Variants in CCSER1 observed in about 807,000 individuals in gnomAD.
The protein encoded by CCSER1 is coiled-coil serine rich protein 1, also known as serine-rich coiled-coil domain-containing protein 1.
In CCSER1, 41 loss-of-function variants were observed where a neutral mutation model predicts 82.0. The observed-to-expected ratio is 0.50, with a 90% CI of 0.39 to 0.65. CCSER1 has a LOEUF of 0.65. CCSER1 is among the 30% of genes least tolerant of loss of function. CCSER1 has a pLI of 0.00. For synonymous variants in CCSER1, 414 were observed against 383.9 expected (o/e 1.08, Z -0.92); for missense variants, 1,119 against 1,064.2 (o/e 1.05, Z -0.72).
intron 9 of CCSER1, among the ~76,000 whole-genome samples, chr4:90,998,855 C>G (rs1292300941): frequency 6.6e-6 from 1 of 151,984 alleles, no homozygotes; most frequent in African/African-American, 2.4e-5. Flanking sequence ...AGTACCCAAC[C>G]GTTAACTTTT....
At chr4:90,990,219 C>T (rs987240732) in intron 9 of CCSER1, among the ~76,000 whole-genome samples, 1 of 151,830 alleles carries the variant, frequency 6.6e-6, no homozygotes, top group Non-Finnish European at 1.5e-5. Flanking sequence ...TTCTGGGAGA[C>T]TGTTTCAGCT....
chr4:90,947,955 G>T (rs1365099300), intron 9 of CCSER1, among the ~76,000 whole-genome samples: 1 of 151,966 alleles, frequency 6.6e-6, no homozygotes, highest in Non-Finnish European at 1.5e-5. Flanking sequence ...ATCATGTGTT[G>T]TATTTTCAAC....
intron 10 of CCSER1, among the ~76,000 whole-genome samples, chr4:91,172,440 A>G (rs1276883088): frequency 6.6e-6 from 1 of 152,206 alleles, no homozygotes; most frequent in Non-Finnish European, 1.5e-5. Context: ...GCTCTGGGAA[A>G]TGTTGCTTAG....
intron 10 of CCSER1, among the ~76,000 whole-genome samples, chr4:91,219,536 C>T (rs1737568445): frequency 6.6e-6 from 1 of 152,050 alleles, no homozygotes; most frequent in Admixed American, 6.5e-5. Flanking sequence ...CTCCTGACCT[C>T]AAGTGATCTG....
intron 6 of CCSER1, among the ~76,000 whole-genome samples, chr4:90,687,706 C>T (rs1735069381): frequency 6.6e-6 from 1 of 152,074 alleles, no homozygotes; most frequent in African/African-American, 2.4e-5. Context: ...CCACCCACAA[C>T]CTCAGACAGC....
At chr4:90,892,691 C>T (rs1040544928) in intron 8 of CCSER1, among the ~76,000 whole-genome samples, 3 of 151,748 alleles carry the variant, frequency 2.0e-5, no homozygotes, top group East Asian at 1.9e-4. Context: ...TTATGTAGGC[C>T]GATTTTATTA....
intron 9 of CCSER1, among the ~76,000 whole-genome samples, chr4:90,994,427 T>A (rs1466660322): frequency 6.6e-6 from 1 of 152,044 alleles, no homozygotes; most frequent in African/African-American, 2.4e-5. Context: ...AGCATGGTTA[T>A]ATGGGTACTC....
chr4:90,320,195 G>A (rs1027882382), intron 3 of CCSER1, among the ~76,000 whole-genome samples: 4 of 152,114 alleles, frequency 2.6e-5, no homozygotes, highest in African/African-American at 9.7e-5. Context: ...ATAGCACCTG[G>A]TGGAAAAATA....
At chr4:91,083,298 A>T (rs1052596275) in intron 9 of CCSER1, among the ~76,000 whole-genome samples, 1 of 152,152 alleles carries the variant, frequency 6.6e-6, no homozygotes, top group African/African-American at 2.4e-5. Flanking sequence ...CTTCTGAGCA[A>T]ACTATGGCAA....
intron 3 of CCSER1, among the ~76,000 whole-genome samples, chr4:90,320,145 A>G (rs961926058): frequency 6.6e-6 from 1 of 152,218 alleles, no homozygotes; most frequent in Non-Finnish European, 1.5e-5. Flanking sequence ...TTTAAATGGA[A>G]GGAGCTGTGT....
intron 10 of CCSER1, among the ~76,000 whole-genome samples, chr4:91,234,252 A>T (rs931402248): frequency 3.9e-5 from 6 of 152,032 alleles, no homozygotes; most frequent in Admixed American, 6.6e-5. Flanking sequence ...AGCTTTGATA[A>T]ACAAGCATTG....
Position 90,567,013 on chromosome 4 carries a change from T to TA in CCSER1, c.1725-61001dup, listed in dbSNP as rs34691316. ...TAAAGGTTTATTGGTTTTGCTTACTTAAAAAAAAAAACAAAAACAAAAACA... is the reference window on the plus strand; with the variant it reads ...TAAAGGTTTATTGGTTTTGCTTACTTAAAAAAAAAAAACAAAAACAAAAACA... On this transcript the variant is annotated intron_variant, in intron 5 of 10. Coordinates refer to ENST00000509176, the MANE Select transcript of CCSER1 (RefSeq NM_001145065.2). Among the ~76,000 whole-genome samples the TA allele has an allele frequency of 0.011, 1,222 of 115,998 alleles. 50 individuals carry two copies. The East Asian group carries it at 0.16, about 15-fold the overall frequency. 76.1% of individuals were successfully genotyped at this position (115,998 alleles called of 152,430 possible).
At chr4:90,573,084 T>C (rs553892472) in intron 5 of CCSER1, among the ~76,000 whole-genome samples, 84 of 152,336 alleles carry the variant, frequency 5.5e-4, no homozygotes, top group African/African-American at 2.0e-3. Context: ...GTGTGACTCC[T>C]GGGGTGGACT....
chr4:90,451,383 T>G (rs1761433962), intron 4 of CCSER1, among the ~76,000 whole-genome samples: 1 of 152,186 alleles, frequency 6.6e-6, no homozygotes, highest in South Asian at 2.1e-4. Context: ...CGAGGTAGAC[T>G]CCCATCCTTT....
intron 4 of CCSER1, among the ~76,000 whole-genome samples, chr4:90,429,509 G>T (rs1189331938): frequency 6.6e-6 from 1 of 151,772 alleles, no homozygotes; most frequent in African/African-American, 2.4e-5. Flanking sequence ...TACTATTATA[G>T]CTTATTTATT....
chr4:90,521,213 C>A lies in CCSER1; in HGVS notation c.1724+52859C>A, dbSNP rs142308548. Among the ~76,000 whole-genome samples the A allele has an allele frequency of 1.6e-4, 25 of 152,214 alleles. No individual in the cohort carries two copies. The East Asian group carries it at 4.8e-3, about 29-fold the overall frequency. On this transcript the variant is annotated intron_variant, in intron 5 of 10. Transcript: ENST00000509176. ...ATGCCTAACATATATCAAATGTATG[C>A]ATATGCCAATAACAGACTTAAAAAT...
At chr4:90,673,441 T>A (rs1733189299) in intron 6 of CCSER1, among the ~76,000 whole-genome samples, 1 of 151,932 alleles carries the variant, frequency 6.6e-6, no homozygotes. Flanking sequence ...ATAAAGCACA[T>A]CCCATTTGTT....
chr4:90,849,624 C>G (rs1415157465), intron 8 of CCSER1, among the ~76,000 whole-genome samples: 4 of 151,638 alleles, frequency 2.6e-5, no homozygotes, highest in Non-Finnish European at 5.9e-5. Flanking sequence ...TCCGTCTCTA[C>G]TAAAAATACA....
intron 6 of CCSER1, among the ~76,000 whole-genome samples, chr4:90,651,834 T>G (rs1321964801): frequency 6.6e-6 from 1 of 152,180 alleles, no homozygotes; most frequent in Non-Finnish European, 1.5e-5. Context: ...AAGATTGTTG[T>G]TCCTAAGCTT....
Sources: gnomAD v4.1 joint callset for allele counts (sites outside exome capture counted in the v4.1 genomes callset) on GRCh38, gnomAD v4.1.1 for gene constraint, MANE v1.5 for transcripts, NCBI Gene and HGNC (gene_info 2026-07-23, HGNC 2026-07-21) for gene names.